OPCML: variants seen among roughly 807,000 people sequenced by gnomAD.
OPCML encodes opioid binding protein/cell adhesion molecule like.
Under a neutral mutation model 37.8 loss-of-function variants are expected in OPCML, and 13 were observed. The observed-to-expected ratio is 0.34, with a 90% CI of 0.22 to 0.55. The LOEUF (loss-of-function observed/expected upper bound fraction) is 0.55. Among genes scored for constraint, OPCML ranks in the 20% least tolerant of loss-of-function variants. The pLI is 0.91. For missense variants in OPCML, 341 were observed against 435.6 expected (o/e 0.78, Z 1.93); for synonymous variants, 176 against 168.8 (o/e 1.04, Z -0.33).
At chr11:133,300,498 T>A (rs569115444) in intron 1 of OPCML, 1 of 152,344 alleles carries the variant, frequency 6.6e-6, no homozygotes, top group African/African-American at 2.4e-5. Flanking sequence ...CAAGGTCAAG[T>A]GATTTGTTTC....
intron 4 of OPCML, among the ~76,000 whole-genome samples, chr11:132,459,507 G>C (rs1183090289): frequency 7.0e-6 from 1 of 143,670 alleles, no homozygotes; most frequent in Non-Finnish European, 1.5e-5. Context: ...TCTATATAGA[G>C]AATATATATA....
At chr11:133,424,868 G>A (rs1305845001) in intron 1 of OPCML, among the ~76,000 whole-genome samples, 1 of 152,132 alleles carries the variant, frequency 6.6e-6, no homozygotes, top group East Asian at 1.9e-4. Context: ...AAACAAAATA[G>A]AAACAATCCA....
chr11:132,932,860 T>A (rs1945254926), intron 2 of OPCML, among the ~76,000 whole-genome samples: 1 of 151,996 alleles, frequency 6.6e-6, no homozygotes, highest in Non-Finnish European at 1.5e-5. Flanking sequence ...GGATATCTAT[T>A]CCTTATTTTT....
chr11:132,786,912 GGAGT>G (rs780310074), intron 2 of OPCML, among the ~76,000 whole-genome samples: 1 of 152,162 alleles, frequency 6.6e-6, no homozygotes, highest in Non-Finnish European at 1.5e-5. Context: ...TGGAGCGTCT[GGAGT>G]GAGAGCAAGC....
rs565786242 is a variant in OPCML at position 133,211,592 on chromosome 11, G to C, written c.62-268582C>G. On this transcript the variant is annotated intron_variant, in intron 1 of 7. Coordinates refer to ENST00000524381, the MANE Select transcript of OPCML (RefSeq NM_001012393.5). This position sits in a 1 kb window ranked among gnomAD's most constrained non-coding sequence, Gnocchi z 4.1. The stretch of plus-strand genomic sequence containing the variant: ...TGCTTTGGCATCAACAGTGGAACAT[G>C]GTTTCCTAGAAGGGAGCTGAGGTAC... Among the ~76,000 whole-genome samples, 7 of 152,270 alleles carry C rather than the reference G, an allele frequency of 4.6e-5. No individual in the cohort carries two copies. The South Asian group carries it at 6.2e-4, about 14-fold the overall frequency.
chr11:133,005,052 C>G, intron 1 of OPCML: 7 of 985,374 alleles, frequency 7.1e-6, no homozygotes, highest in Non-Finnish European at 8.4e-6. Flanking sequence ...GCCTGGGAAG[C>G]TTTCATGAAT....
chr11:132,914,488 GA>G (rs1944541904), intron 2 of OPCML, among the ~76,000 whole-genome samples: 1 of 152,152 alleles, frequency 6.6e-6, no homozygotes, highest in South Asian at 2.1e-4. Flanking sequence ...AAAATAACCA[GA>G]AATTAAAATT....
At chr11:132,926,983 C>T (rs545257207) in intron 2 of OPCML, among the ~76,000 whole-genome samples, 1 of 151,910 alleles carries the variant, frequency 6.6e-6, no homozygotes, top group Non-Finnish European at 1.5e-5. Context: ...AACTTGAAGA[C>T]ATATCATTTG....
intron 1 of OPCML, among the ~76,000 whole-genome samples, chr11:133,511,805 T>G (rs1295849054): frequency 2.0e-5 from 3 of 152,158 alleles, no homozygotes; most frequent in Non-Finnish European, 4.4e-5. Context: ...TCTCCACTAG[T>G]ATGTAAGCTT....
At chr11:133,203,303 G>C (rs1365635605) in intron 1 of OPCML, among the ~76,000 whole-genome samples, 1 of 152,246 alleles carries the variant, frequency 6.6e-6, no homozygotes, top group Non-Finnish European at 1.5e-5. Flanking sequence ...CAAATGCAGA[G>C]ACCTAGAGTA....
At chr11:133,421,519 T>G in intron 1 of OPCML, 1 of 985,444 alleles carries the variant, frequency 1.0e-6, no homozygotes, top group South Asian at 4.7e-5. Flanking sequence ...CTCTTCGGAT[T>G]TGAACAAATT....
At chr11:132,717,356 C>G (rs374257896) in intron 2 of OPCML, among the ~76,000 whole-genome samples, 5 of 152,088 alleles carry the variant, frequency 3.3e-5, no homozygotes, top group African/African-American at 9.7e-5. Context: ...AAGCATGGCA[C>G]TGTTCTAGAA....
At chr11:133,023,320 G>A (rs1432034068) in intron 1 of OPCML, among the ~76,000 whole-genome samples, 4 of 152,214 alleles carry the variant, frequency 2.6e-5, no homozygotes, top group African/African-American at 4.8e-5. Flanking sequence ...CTAGACAACC[G>A]CTGCGTTTTG....
intron 1 of OPCML, among the ~76,000 whole-genome samples, chr11:133,412,975 T>TA (rs994902616): frequency 3.0e-4 from 46 of 152,276 alleles, no homozygotes; most frequent in African/African-American, 1.1e-3. Context: ...TGGGAGGACT[T>TA]ACATTTCTGT....
chr11:133,398,509 T>C (rs948536449), intron 1 of OPCML, among the ~76,000 whole-genome samples: 30 of 152,164 alleles, frequency 2.0e-4, no homozygotes, highest in African/African-American at 7.2e-4. Flanking sequence ...GTCTTCTCTG[T>C]TCCTCCAGGA....
chr11:133,021,428 G>A (rs116559697), intron 1 of OPCML, among the ~76,000 whole-genome samples: 7 of 151,948 alleles, frequency 4.6e-5, no homozygotes, highest in Non-Finnish European at 8.8e-5. Flanking sequence ...ACTTTTCTGT[G>A]ATACACCCCA....
chr11:132,686,656 T>G (rs2135871749), intron 2 of OPCML, among the ~76,000 whole-genome samples: 1 of 152,308 alleles, frequency 6.6e-6, no homozygotes, highest in East Asian at 1.9e-4. Flanking sequence ...TAGGAGCATC[T>G]CCTATTCCCA....
chr11:133,085,445 T>C (rs1043928599), intron 1 of OPCML, among the ~76,000 whole-genome samples: 43 of 152,218 alleles, frequency 2.8e-4, no homozygotes, highest in African/African-American at 1.0e-3. Context: ...ATGGTGGTGT[T>C]TTCTTTATCT....
intron 1 of OPCML, among the ~76,000 whole-genome samples, chr11:133,457,998 T>C (rs890865690): frequency 1.3e-5 from 2 of 151,372 alleles, no homozygotes; most frequent in Admixed American, 1.3e-4. Flanking sequence ...TACAAAAAAT[T>C]AGCTGGGCAT....
Sources: allele counts gnomAD v4.1 joint callset (sites outside exome capture counted in the v4.1 genomes callset), GRCh38; gene constraint gnomAD v4.1.1; non-coding constraint Gnocchi (gnomAD v3.1); transcripts MANE v1.5; gene names NCBI Gene and HGNC (gene_info 2026-07-23, HGNC 2026-07-21).